The following TTC29 variants were observed in gnomAD, a reference collection of about 807,000 sequenced individuals.
TTC29 encodes tetratricopeptide repeat domain 29, also known as tetratricopeptide repeat protein 29.
In TTC29, 49 loss-of-function variants were observed where a neutral mutation model predicts 58.1. The ratio of observed to expected loss-of-function variants is 0.84; its 90% CI spans 0.67 to 1.07. The LOEUF (loss-of-function observed/expected upper bound fraction) is 1.07, where lower values mean the gene tolerates loss of function less well. Among genes scored for constraint, TTC29 ranks in the 50% least tolerant of loss-of-function variants. The pLI is 0.00. For missense variants in TTC29, 582 were observed against 555.6 expected, an observed-to-expected ratio of 1.05 and a Z score of -0.48; for synonymous variants, 209 against 196.8, an observed-to-expected ratio of 1.06 and a Z score of -0.52.
intron 1 of TTC29, chr4:146,945,461 G>C (rs527943296): frequency 1.3e-5 from 2 of 152,310 alleles, no homozygotes; most frequent in South Asian, 4.1e-4. Flanking sequence ...CTTATCCTAT[G>C]CCTAGTTTTT....
At chr4:146,789,461 G>A (rs1161687991) in intron 11 of TTC29, among the ~76,000 whole-genome samples, 1 of 152,108 alleles carries the variant, frequency 6.6e-6, no homozygotes, top group African/African-American at 2.4e-5. Context: ...CGATGCAAGT[G>A]GTCCTTGAGT....
rs1746638668 is a variant in TTC29, at chr4:146,758,708, C to T, written c.1330+44749G>A. 2.0e-5 allele frequency among the ~76,000 whole-genome samples: 3 copies of T among 152,050 alleles called. No homozygotes were observed. In the South Asian group the frequency reaches 6.2e-4, roughly 31 times the overall value. Reference sequence around the variant, plus strand: ...AGGAGTCTTCAAAACCATGCAAATACATGGAAGTTAAATAATCTGCTCCCA... The same window carrying T: ...AGGAGTCTTCAAAACCATGCAAATATATGGAAGTTAAATAATCTGCTCCCA... On this transcript the variant is annotated intron_variant, in intron 11 of 12. Coordinates refer to ENST00000325106, the MANE Select transcript of TTC29 (RefSeq NM_031956.4).
intron 11 of TTC29, among the ~76,000 whole-genome samples, chr4:146,729,412 T>C (rs1043527854): frequency 6.6e-6 from 1 of 152,208 alleles, no homozygotes; most frequent in Non-Finnish European, 1.5e-5. Context: ...CTTTGTGACA[T>C]TTGAAGACTT....
intron 11 of TTC29, among the ~76,000 whole-genome samples, chr4:146,782,300 A>G (rs1409477477): frequency 6.6e-6 from 1 of 151,630 alleles, no homozygotes; most frequent in African/African-American, 2.4e-5. Context: ...AAAATAAGTT[A>G]TTTAGTGTAT....
chr4:146,902,786 G>A (rs533701338), intron 6 of TTC29, among the ~76,000 whole-genome samples: 2 of 152,082 alleles, frequency 1.3e-5, no homozygotes, highest in African/African-American at 2.4e-5. Context: ...GCAACTTCCT[G>A]AAGCACTTTC....
chr4:146,737,579 G>A (rs1441584569), intron 11 of TTC29, among the ~76,000 whole-genome samples: 2 of 117,198 alleles, frequency 1.7e-5, no homozygotes, highest in Non-Finnish European at 3.5e-5. Flanking sequence ...TGAGGCTGAT[G>A]CTAGTAGCCC....
At chr4:146,822,790 T>C (rs537614225) in intron 9 of TTC29, among the ~76,000 whole-genome samples, 1 of 152,302 alleles carries the variant, frequency 6.6e-6, no homozygotes, top group South Asian at 2.1e-4. Flanking sequence ...TTTTAATAGT[T>C]GTCATTCTGA....
chr4:146,744,824 A>G (rs1745422104), intron 11 of TTC29, among the ~76,000 whole-genome samples: 1 of 152,110 alleles, frequency 6.6e-6, no homozygotes. Flanking sequence ...TACAGTTTCT[A>G]TTCAAGTCAT....
rs1349303291 is a variant in TTC29 at position 146,909,433 on chromosome 4, G to C, written c.177-184C>G. Reference sequence around the variant, plus strand: ...ATTGAACAACTTCTGTTTAATGAAAGATGCCAGGAGCTATCTAAACACAGT... The same window carrying C: ...ATTGAACAACTTCTGTTTAATGAAACATGCCAGGAGCTATCTAAACACAGT... On this transcript the variant is annotated intron_variant, in intron 4 of 12. Coordinates refer to ENST00000325106, the MANE Select transcript of TTC29 (RefSeq NM_031956.4). 3.9e-5 allele frequency among the ~76,000 whole-genome samples: 6 copies of C among 152,126 alleles called. No individual in the cohort carries two copies. In the East Asian group the frequency reaches 1.2e-3, roughly 29 times the overall value.
rs183617961 is a variant in TTC29 at position 146,788,586 on chromosome 4, G to A, written c.1330+14871C>T. ...TTCCCACACCATTTAATAATAGTTCGAAAATGCTTTTTAGAAAGACCATTT... is the reference window on the plus strand; with the variant it reads ...TTCCCACACCATTTAATAATAGTTCAAAAATGCTTTTTAGAAAGACCATTT... On this transcript the variant is annotated intron_variant, in intron 11 of 12. Coordinates refer to ENST00000325106, the MANE Select transcript of TTC29 (RefSeq NM_031956.4). Among the ~76,000 whole-genome samples, 28 of 151,620 alleles carry A rather than the reference G, an allele frequency of 1.8e-4. No individual in the cohort carries two copies. In the East Asian group the frequency reaches 3.7e-3, roughly 20 times the overall value.
At chr4:146,716,761 C>T (rs1236658129) in intron 11 of TTC29, among the ~76,000 whole-genome samples, 1 of 151,978 alleles carries the variant, frequency 6.6e-6, no homozygotes, top group African/African-American at 2.4e-5. Context: ...TCTGAAAAAC[C>T]CAAACAATTC....
chr4:146,798,304 G>T (rs1749967000), intron 11 of TTC29, among the ~76,000 whole-genome samples: 1 of 151,980 alleles, frequency 6.6e-6, no homozygotes, highest in South Asian at 2.1e-4. Context: ...AATGCTAAGG[G>T]GAAGTAAGAC....
chr4:146,748,575 C>T (rs1427186949), intron 11 of TTC29, among the ~76,000 whole-genome samples: 1 of 152,186 alleles, frequency 6.6e-6, no homozygotes, highest in South Asian at 2.1e-4. Flanking sequence ...ATGCAGCCAC[C>T]ACCACTGCCA....
intron 11 of TTC29, among the ~76,000 whole-genome samples, chr4:146,726,506 T>A (rs1743795161): frequency 6.6e-6 from 1 of 152,174 alleles, no homozygotes; most frequent in Non-Finnish European, 1.5e-5. Context: ...CTCAGTTATG[T>A]CTTACTCAGA....
At chr4:146,732,262 G>A (rs1431612892) in intron 11 of TTC29, among the ~76,000 whole-genome samples, 1 of 152,060 alleles carries the variant, frequency 6.6e-6, no homozygotes, top group East Asian at 1.9e-4. Flanking sequence ...TGGGCTTATA[G>A]ACTTTAAAAA....
In TTC29 at chr4:146,937,667, T is replaced by G; in HGVS notation, c.103A>C (p.Ile35Leu). The G allele has an allele frequency of 1.3e-6, 2 of 1,506,350 alleles. No homozygotes were observed. Among genetic ancestry groups the G allele is most frequent in the Non-Finnish European group, 1.8e-6 (2 of 1,113,130 alleles). 93.3% of individuals were successfully genotyped at this position (1,506,350 alleles called of 1,614,324 possible). The change falls in exon 4 of 13, where the codon ATC (isoleucine) becomes CTC (leucine). Residue 35 changes from isoleucine (I) to leucine (L), a missense_variant. By Grantham distance (5) the Ile-to-Leu change is conservative (BLOSUM62 2). Transcript: ENST00000325106. Reference protein sequence around the residue: ...SSRKIPRSQLIKEKDDIDHYL... With the variant: ...SSRKIPRSQLLKEKDDIDHYL... ...TGATCTATGTCATCTTTTTCTTTGA[T>G]CAATTGAGACCTAAATGAAATAGAA...
At chr4:146,723,521 CTTAA>C (rs1161961257) in intron 11 of TTC29, among the ~76,000 whole-genome samples, 2 of 152,188 alleles carry the variant, frequency 1.3e-5, no homozygotes, top group East Asian at 3.9e-4. Flanking sequence ...CTATAAGGAA[CTTAA>C]TTAAATGAGC....
chr4:146,901,152 T>A (rs1019817475), intron 6 of TTC29, among the ~76,000 whole-genome samples: 2 of 152,206 alleles, frequency 1.3e-5, no homozygotes, highest in African/African-American at 4.8e-5. Flanking sequence ...AAGGAAGAAC[T>A]TAACCCTTTT....
chr4:146,723,462 A>G (rs187496283), intron 11 of TTC29, among the ~76,000 whole-genome samples: 38 of 152,292 alleles, frequency 2.5e-4, no homozygotes, highest in African/African-American at 7.7e-4. Context: ...TACAAATGGG[A>G]GAAAATATTC....
Sources: gnomAD v4.1 joint callset for allele counts (sites outside exome capture counted in the v4.1 genomes callset) on GRCh38, gnomAD v4.1.1 for gene constraint, MANE v1.5 for transcripts, NCBI Gene and HGNC (gene_info 2026-07-23, HGNC 2026-07-21) for gene names.